CADPS: variants seen among roughly 807,000 people sequenced by gnomAD.
CADPS encodes calcium dependent secretion activator.
A neutral mutation model predicts 167.3 loss-of-function variants in CADPS; 57 were observed. That is an observed-to-expected ratio of 0.34 (90% CI 0.28 to 0.42). The LOEUF is 0.42. Ranked by LOEUF, CADPS falls within the 20% of genes least tolerant of loss-of-function variation. The pLI, the probability that CADPS is intolerant of heterozygous loss-of-function variation, is 1.00. For synonymous variants in CADPS, 676 were observed against 635.3 expected (o/e 1.06, Z -0.96); for missense variants, 1,414 against 1,738.1 (o/e 0.81, Z 3.32).
At chr3:62,821,576 A>G (rs1320670180) in intron 1 of CADPS, among the ~76,000 whole-genome samples, 1 of 152,020 alleles carries the variant, frequency 6.6e-6, no homozygotes, top group Non-Finnish European at 1.5e-5. Context: ...GTGTCTTTAC[A>G]TGGCATTCTT....
chr3:62,743,748 C>A (rs1264140460), intron 3 of CADPS, among the ~76,000 whole-genome samples: 1 of 152,136 alleles, frequency 6.6e-6, no homozygotes, highest in Non-Finnish European at 1.5e-5. Flanking sequence ...AGCAAACAAA[C>A]CTAAGTAGTC....
chr3:62,431,639 G>C, intron 28 of CADPS, among the ~76,000 whole-genome samples: 1 of 151,114 alleles, frequency 6.6e-6, no homozygotes, highest in Non-Finnish European at 1.5e-5. Flanking sequence ...TCAAGATCAT[G>C]AAAAAAGGGC....
chr3:62,631,441 C>A (rs1274890926), intron 6 of CADPS, among the ~76,000 whole-genome samples: 2 of 152,140 alleles, frequency 1.3e-5, no homozygotes, highest in Admixed American at 6.5e-5. Flanking sequence ...AAAATTCCCA[C>A]AATGATTGTG....
At chr3:62,662,449 A>T in intron 3 of CADPS, 55 bp from the exon 4 acceptor site, 1 of 1,479,350 alleles carries the variant, frequency 6.8e-7, no homozygotes, top group African/African-American at 1.4e-5. Context: ...GTGCCAATAA[A>T]CTCAGGACAT....
At chr3:62,784,218 G>A (rs1225968754) in intron 1 of CADPS, among the ~76,000 whole-genome samples, 1 of 152,168 alleles carries the variant, frequency 6.6e-6, no homozygotes, top group Non-Finnish European at 1.5e-5. Flanking sequence ...CACAGTATGT[G>A]ATGTCAAATT....
At chr3:62,428,658 T>C (rs2053279620) in intron 28 of CADPS, among the ~76,000 whole-genome samples, 1 of 152,144 alleles carries the variant, frequency 6.6e-6, no homozygotes. Context: ...ATCATACTCA[T>C]CGCGTTTTTG....
chr3:62,723,738 A>C (rs2076232751), intron 3 of CADPS, among the ~76,000 whole-genome samples: 1 of 152,228 alleles, frequency 6.6e-6, no homozygotes. Flanking sequence ...TTTAATTTGC[A>C]TATGCTGCTT....
intron 1 of CADPS, among the ~76,000 whole-genome samples, chr3:62,860,524 A>G (rs1346802427): frequency 6.6e-6 from 1 of 152,026 alleles, no homozygotes; most frequent in East Asian, 1.9e-4. Context: ...AGCCCTCCCT[A>G]TGTGTGGGTT....
intron 6 of CADPS, among the ~76,000 whole-genome samples, chr3:62,603,347 AAATT>A (rs1018791037): frequency 6.6e-6 from 1 of 152,248 alleles, no homozygotes; most frequent in African/African-American, 2.4e-5. Context: ...GAAGTGAGGA[AAATT>A]CCATGCTATA....
At chr3:62,745,174 C>A (rs758376590) in intron 3 of CADPS, among the ~76,000 whole-genome samples, 1 of 152,074 alleles carries the variant, frequency 6.6e-6, no homozygotes, top group Non-Finnish European at 1.5e-5. Context: ...CCTTGGCTTC[C>A]CAGGCTCAAG....
intron 3 of CADPS, among the ~76,000 whole-genome samples, chr3:62,672,879 G>A (rs1165339759): frequency 1.3e-5 from 2 of 152,094 alleles, no homozygotes; most frequent in Non-Finnish European, 2.9e-5. Context: ...CCTCCTAGAG[G>A]GCTGGGATTA....
intron 1 of CADPS, among the ~76,000 whole-genome samples, chr3:62,866,017 A>G (rs2081610419): frequency 6.6e-6 from 1 of 152,150 alleles, no homozygotes; most frequent in Non-Finnish European, 1.5e-5. Context: ...TAAAAAATGC[A>G]CACCCAATAT....
chr3:62,655,911 C>G (rs1409385978), intron 4 of CADPS, among the ~76,000 whole-genome samples: 1 of 151,976 alleles, frequency 6.6e-6, no homozygotes, highest in Non-Finnish European at 1.5e-5. Context: ...AGAAAGTGAC[C>G]AGTTAGTGAC....
intron 11 of CADPS, among the ~76,000 whole-genome samples, chr3:62,541,159 A>G (rs1392406801): frequency 6.6e-6 from 1 of 152,148 alleles, no homozygotes; most frequent in East Asian, 1.9e-4. Flanking sequence ...TCTAGAAATC[A>G]ACGATTGACA....
At chr3:62,452,489 G>C (rs1222749376) in intron 26 of CADPS, among the ~76,000 whole-genome samples, 1 of 152,096 alleles carries the variant, frequency 6.6e-6, no homozygotes, top group African/African-American at 2.4e-5. Flanking sequence ...GGACAGTGCT[G>C]GTCTAGACGC....
chr3:62,725,268 T>C (rs2076531943), intron 3 of CADPS, among the ~76,000 whole-genome samples: 1 of 152,248 alleles, frequency 6.6e-6, no homozygotes, highest in Non-Finnish European at 1.5e-5. Context: ...ATCTGAAATG[T>C]GGCCAGTGTG....
intron 3 of CADPS, among the ~76,000 whole-genome samples, chr3:62,684,327 G>A (rs989467375): frequency 1.3e-5 from 2 of 151,950 alleles, no homozygotes; most frequent in African/African-American, 4.8e-5. Context: ...CTTGACATAT[G>A]TCCATCATTT....
intron 1 of CADPS, among the ~76,000 whole-genome samples, chr3:62,803,042 A>G (rs1380443943): frequency 6.6e-6 from 1 of 152,180 alleles, no homozygotes; most frequent in African/African-American, 2.4e-5. Flanking sequence ...GCTGAGGCAC[A>G]GAACACTGGC....
intron 2 of CADPS, among the ~76,000 whole-genome samples, chr3:62,764,474 T>C (rs1374768947): frequency 1.3e-5 from 2 of 152,220 alleles, no homozygotes; most frequent in African/African-American, 4.8e-5. Flanking sequence ...AATAAAAATT[T>C]CTTGAAGAAA....
Sources: allele counts gnomAD v4.1 joint callset (sites outside exome capture counted in the v4.1 genomes callset), GRCh38; gene constraint gnomAD v4.1.1; transcripts MANE v1.5; gene names NCBI Gene and HGNC (gene_info 2026-07-23, HGNC 2026-07-21).